TDRD12: variants seen among roughly 807,000 people sequenced by gnomAD.
TDRD12 encodes the protein tudor domain containing 12.
In TDRD12, 158 loss-of-function variants were observed where a neutral mutation model predicts 133.5. The ratio of observed to expected loss-of-function variants is 1.18; its 90% CI spans 1.04 to 1.35. The LOEUF is 1.35. Ranked by LOEUF, TDRD12 falls within the 40% of genes most tolerant of loss-of-function variation. TDRD12 has a pLI of 0.00. For synonymous variants in TDRD12, 460 were observed against 477.9 expected, an observed-to-expected ratio of 0.96 and a Z score of 0.49; for missense variants, 1,443 against 1,321.3, an observed-to-expected ratio of 1.09 and a Z score of -1.43.
intron 8 of TDRD12, among the ~76,000 whole-genome samples, chr19:32,767,092 T>TTTTA (rs138456502): frequency 0.013 from 1,798 of 137,506 alleles, 17 homozygotes; most frequent in Non-Finnish European, 0.015. Flanking sequence ...TTTTCATGCA[T>TTTTA]TTTATTTATT....
At chr19:32,773,098 TC>T (rs771577501) in intron 9 of TDRD12, among the ~76,000 whole-genome samples, 16 of 152,208 alleles carry the variant, frequency 1.1e-4, no homozygotes, top group Non-Finnish European at 2.2e-4. Flanking sequence ...TGGATATTGA[TC>T]CTCCTTTTAA....
intron 18 of TDRD12, 54 bp downstream of exon 18, chr19:32,800,826 C>A: frequency 6.9e-7 from 1 of 1,451,898 alleles, no homozygotes; most frequent in South Asian, 1.4e-5. Context: ...GGTCGAATCT[C>A]AAGTCATCAC....
intron 1 of TDRD12, among the ~76,000 whole-genome samples, chr19:32,727,716 C>T (rs182551044): frequency 1.4e-4 from 21 of 152,066 alleles, no homozygotes; most frequent in Admixed American, 9.8e-4. Flanking sequence ...TTACCCAGGC[C>T]GGAGTGCAGT....
chr19:32,784,720 G>A (rs532759415), intron 11 of TDRD12, among the ~76,000 whole-genome samples: 2 of 152,284 alleles, frequency 1.3e-5, no homozygotes, highest in Admixed American at 1.3e-4. Flanking sequence ...TTGGGAGGGT[G>A]TATGTGTCCA....
At chr19:32,783,432 G>C (rs915925162) in intron 11 of TDRD12, among the ~76,000 whole-genome samples, 1 of 152,166 alleles carries the variant, frequency 6.6e-6, no homozygotes, top group South Asian at 2.1e-4. Flanking sequence ...CCCCAAGATT[G>C]TCTTGGCTAT....
intron 11 of TDRD12, among the ~76,000 whole-genome samples, chr19:32,783,763 T>A (rs946241647): frequency 3.3e-5 from 5 of 151,542 alleles, no homozygotes; most frequent in African/African-American, 1.2e-4. Context: ...GGACTCTGTT[T>A]GTCTGTTATT....
At chr19:32,765,336 C>T (rs956437304) in intron 8 of TDRD12, among the ~76,000 whole-genome samples, 10 of 152,162 alleles carry the variant, frequency 6.6e-5, no homozygotes, top group Non-Finnish European at 1.5e-4. Context: ...TGTGGCGATT[C>T]CCCAGGGATC....
rs145789605 is a variant in TDRD12, at chr19:32,760,485, C to T, written c.865+3355C>T. Among the ~76,000 whole-genome samples the T allele has an allele frequency of 2.1e-3, 315 of 152,278 alleles. 2 individuals are homozygous for T. The highest frequency in any genetic ancestry group is 7.3e-3 in the African/African-American group (305 of 41,550). ...CTTGATTTGCTAATACTTGATTAAACAATCACATATTACAGAAGGGCTACA... is the reference window on the plus strand; with the variant it reads ...CTTGATTTGCTAATACTTGATTAAATAATCACATATTACAGAAGGGCTACA... On this transcript the variant is annotated intron_variant, in intron 8 of 27. Transcript: ENST00000444215.
intron 13 of TDRD12, 129 bp from the exon 14 acceptor site, chr19:32,794,499 C>T (rs978629566): frequency 5.4e-5 from 32 of 597,700 alleles, no homozygotes; most frequent in Non-Finnish European, 9.2e-5. Flanking sequence ...GGAAACTTAA[C>T]AAGTTAGGGC....
At chr19:32,724,774 T>G (rs913808576) in intron 1 of TDRD12, among the ~76,000 whole-genome samples, 5 of 152,184 alleles carry the variant, frequency 3.3e-5, no homozygotes, top group African/African-American at 1.2e-4. Context: ...GTTCTAGATC[T>G]TTGAGGAATC....
chr19:32,780,900 G>C (rs1358739411), intron 11 of TDRD12, among the ~76,000 whole-genome samples: 1 of 148,556 alleles, frequency 6.7e-6, no homozygotes, highest in Non-Finnish European at 1.5e-5. Flanking sequence ...TGGGACTACT[G>C]TCTGCCACCA....
At chr19:32,748,309 A>G (rs996805129) in intron 4 of TDRD12, among the ~76,000 whole-genome samples, 167 bp from the exon 5 acceptor site, 22 of 152,184 alleles carry the variant, frequency 1.4e-4, no homozygotes, top group Non-Finnish European at 1.9e-4. Flanking sequence ...TGCAGGATGC[A>G]GTGGGATCCT....
intron 14 of TDRD12, among the ~76,000 whole-genome samples, chr19:32,797,482 G>A (rs577561302): frequency 5.9e-4 from 90 of 152,138 alleles, no homozygotes; most frequent in Middle Eastern, 3.2e-3. Context: ...GACAGCCTCT[G>A]CCCCATAAGA....
chr19:32,767,798 GAGGTTGTCCTCCTTTTGGATTGCC>G (rs1239210023), intron 8 of TDRD12, among the ~76,000 whole-genome samples: 3 of 152,186 alleles, frequency 2.0e-5, no homozygotes, highest in Non-Finnish European at 4.4e-5. Flanking sequence ...AGGTCTGGGA[GAGGTTGTCCTCCTTTTGGATTGCC>G]AGGCTCCCAC....
At chr19:32,811,818 A>G (rs992113539) in intron 24 of TDRD12, among the ~76,000 whole-genome samples, 1 of 152,164 alleles carries the variant, frequency 6.6e-6, no homozygotes. Context: ...GCAATGATCT[A>G]TGATCGTGTC....
intron 13 of TDRD12, among the ~76,000 whole-genome samples, chr19:32,794,145 A>T (rs1971154203): frequency 9.9e-6 from 1 of 100,764 alleles, no homozygotes; most frequent in African/African-American, 4.1e-5. Context: ...TCGCTCTGTC[A>T]CCCAGGCTGG....
intron 8 of TDRD12, among the ~76,000 whole-genome samples, chr19:32,770,894 G>T (rs1244064850): frequency 6.6e-6 from 1 of 152,114 alleles, no homozygotes; most frequent in African/African-American, 2.4e-5. Flanking sequence ...TTGTACTACT[G>T]GTTTATTTTT....
chr19:32,723,507 C>T (rs1232884458), intron 1 of TDRD12, among the ~76,000 whole-genome samples: 1 of 152,014 alleles, frequency 6.6e-6, no homozygotes, highest in African/African-American at 2.4e-5. Flanking sequence ...TCTCGGCCTC[C>T]CAAAGTGCTG....
chr19:32,738,709 A>G (rs989545244), intron 2 of TDRD12, 147 bp from the exon 3 acceptor site: 2 of 807,188 alleles, frequency 2.5e-6, no homozygotes, highest in African/African-American at 3.5e-5. Flanking sequence ...GCTACTTGGG[A>G]GGCTGAGGCA....
Sources: gnomAD v4.1 joint callset for allele counts (sites outside exome capture counted in the v4.1 genomes callset) on GRCh38, gnomAD v4.1.1 for gene constraint, MANE v1.5 for transcripts, NCBI Gene and HGNC (gene_info 2026-07-23, HGNC 2026-07-21) for gene names.